WIPF3: variants seen among roughly 807,000 people sequenced by gnomAD.
The protein encoded by WIPF3 is WAS/WASL interacting protein family member 3.
WIPF3 carries 33 observed loss-of-function variants against 38.9 expected under a neutral mutation model. The observed-to-expected ratio is 0.85, with a 90% CI of 0.64 to 1.14. The LOEUF (loss-of-function observed/expected upper bound fraction) is 1.14, where lower values mean the gene tolerates loss of function less well. WIPF3 is among the 50% of genes most tolerant of loss of function. WIPF3 has a pLI of 0.00. For missense variants in WIPF3, 711 were observed against 652.5 expected (o/e 1.09, Z -0.98); for synonymous variants, 324 against 269.3 (o/e 1.20, Z -1.99).
rs772267228 is a variant in WIPF3, at chr7:29,904,390, T to TA, written c.1428+32dup. ...AACACAAGCCTCATGTCTCTGAATG[T>TA]AAAACCAGGAATTCTCCTCAGGAGG... On this transcript the variant is annotated intron_variant, in intron 8 of 8. Transcript: ENST00000242140. 6 of 1,607,832 alleles carry TA rather than the reference T, an allele frequency of 3.7e-6. No individual in the cohort carries two copies. The African/African-American group carries it at 6.7e-5, about 18-fold the overall frequency.
At chr7:29,907,492 T>G (rs1397656136) in intron 8 of WIPF3, among the ~76,000 whole-genome samples, 1 of 152,214 alleles carries the variant, frequency 6.6e-6, no homozygotes, top group Admixed American at 6.5e-5. Flanking sequence ...GCCTGAATGT[T>G]TGTGTCCCTC....
intron 1 of WIPF3, among the ~76,000 whole-genome samples, chr7:29,825,150 A>G (rs1784596959): frequency 6.6e-6 from 1 of 152,182 alleles, no homozygotes; most frequent in African/African-American, 2.4e-5. Flanking sequence ...GTGGTCATTC[A>G]TTTTGTAAAA....
intron 1 of WIPF3, among the ~76,000 whole-genome samples, chr7:29,827,980 G>A (rs1176976379): frequency 6.6e-6 from 1 of 152,044 alleles, no homozygotes; most frequent in Admixed American, 6.6e-5. Context: ...TGTATTTTTT[G>A]TAGAGATGGG....
At chr7:29,860,408 G>T (rs1400829044) in intron 2 of WIPF3, among the ~76,000 whole-genome samples, 1 of 152,046 alleles carries the variant, frequency 6.6e-6, no homozygotes, top group Non-Finnish European at 1.5e-5. Context: ...TTGTTAAAAA[G>T]AACCTGGTGC....
chr7:29,855,259 C>T (rs577111628), intron 2 of WIPF3, among the ~76,000 whole-genome samples: 2 of 152,294 alleles, frequency 1.3e-5, no homozygotes, highest in African/African-American at 4.8e-5. Flanking sequence ...ATCCTTTCCC[C>T]CAAGTGTCTG....
At chr7:29,879,887 G>A (rs776241417) in intron 4 of WIPF3, among the ~76,000 whole-genome samples, 2 of 152,270 alleles carry the variant, frequency 1.3e-5, no homozygotes, top group Admixed American at 6.5e-5. Context: ...AGTATTACTA[G>A]GATGTAACTT....
chr7:29,852,236 C>A (rs185472533), intron 2 of WIPF3, among the ~76,000 whole-genome samples: 2 of 152,090 alleles, frequency 1.3e-5, no homozygotes, highest in South Asian at 2.1e-4. Flanking sequence ...AAACTCCTGG[C>A]GTCAAGCAAT....
chr7:29,867,888 G>C (rs1043299535), intron 2 of WIPF3, among the ~76,000 whole-genome samples: 2 of 152,134 alleles, frequency 1.3e-5, no homozygotes, highest in African/African-American at 4.8e-5. Context: ...CAGGGACTAA[G>C]GTTTCTATAG....
chr7:29,830,633 AAAAG>A (rs1327880684), intron 1 of WIPF3, among the ~76,000 whole-genome samples: 1 of 151,746 alleles, frequency 6.6e-6, no homozygotes, highest in Non-Finnish European at 1.5e-5. Flanking sequence ...AAAAAAAAAA[AAAAG>A]AAAGAAAGAA....
At chr7:29,914,227 A>C (rs541022436) in intron 8 of WIPF3, among the ~76,000 whole-genome samples, 1 of 152,192 alleles carries the variant, frequency 6.6e-6, no homozygotes, top group East Asian at 1.9e-4. Context: ...CTGTCAAGTG[A>C]ATTGCTGATG....
intron 2 of WIPF3, among the ~76,000 whole-genome samples, chr7:29,865,590 A>T (rs145921056): frequency 2.6e-5 from 4 of 152,246 alleles, no homozygotes; most frequent in Admixed American, 6.5e-5. Flanking sequence ...CTCTTCATTG[A>T]CAGGGCCTAG....
intron 2 of WIPF3, among the ~76,000 whole-genome samples, chr7:29,872,401 C>A (rs1159548940): frequency 1.3e-5 from 2 of 152,054 alleles, no homozygotes; most frequent in African/African-American, 2.4e-5. Flanking sequence ...TGTGCAAAAC[C>A]AATTAAGTCT....
intron 1 of WIPF3, among the ~76,000 whole-genome samples, chr7:29,820,194 A>G (rs1784515064): frequency 6.6e-6 from 1 of 152,090 alleles, no homozygotes; most frequent in African/African-American, 2.4e-5. Context: ...GAACATAGAT[A>G]TTCATGGCTG....
intron 7 of WIPF3, among the ~76,000 whole-genome samples, chr7:29,900,737 C>CAGCT (rs1786258590): frequency 6.6e-6 from 1 of 152,244 alleles, no homozygotes. Context: ...CCTTCCTGTA[C>CAGCT]AGCTAGAGAA....
intron 2 of WIPF3, among the ~76,000 whole-genome samples, chr7:29,843,768 G>C (rs1406798697): frequency 6.6e-6 from 1 of 152,020 alleles, no homozygotes; most frequent in Non-Finnish European, 1.5e-5. Flanking sequence ...TCCCCAAACT[G>C]TTCTTTCCTT....
intron 2 of WIPF3, 82 bp downstream of exon 2, chr7:29,834,896 A>G: frequency 6.8e-7 from 1 of 1,470,876 alleles, no homozygotes; most frequent in Non-Finnish European, 9.1e-7. Context: ...AAATGTTCAG[A>G]AGTAGCACTG....
At chr7:29,877,765 G>A (rs1785633509) in intron 3 of WIPF3, among the ~76,000 whole-genome samples, 1 of 152,092 alleles carries the variant, frequency 6.6e-6, no homozygotes, top group African/African-American at 2.4e-5. Context: ...ATTAACTTCA[G>A]GCTGTGTGTA....
At chr7:29,836,945 C>A (rs185702709) in intron 2 of WIPF3, among the ~76,000 whole-genome samples, 1 of 151,830 alleles carries the variant, frequency 6.6e-6, no homozygotes, top group African/African-American at 2.4e-5. Flanking sequence ...GAGCCAACAT[C>A]GCACCACTGC....
chr7:29,835,441 G>A (rs747977324), intron 2 of WIPF3, among the ~76,000 whole-genome samples: 1 of 152,090 alleles, frequency 6.6e-6, no homozygotes, highest in Non-Finnish European at 1.5e-5. Flanking sequence ...GACATTTGGG[G>A]TGAGATCATT....
Sources: gnomAD v4.1 joint callset for allele counts (sites outside exome capture counted in the v4.1 genomes callset) on GRCh38, gnomAD v4.1.1 for gene constraint, MANE v1.5 for transcripts, NCBI Gene and HGNC (gene_info 2026-07-23, HGNC 2026-07-21) for gene names.